FUT8: variants seen among roughly 807,000 people sequenced by gnomAD.
FUT8 encodes the protein fucosyltransferase 8, also known as alpha-(1,6)-fucosyltransferase.
A neutral mutation model predicts 71.3 loss-of-function variants in FUT8; 29 were observed. The ratio of observed to expected loss-of-function variants is 0.41; its 90% confidence interval spans 0.30 to 0.55. FUT8 has a LOEUF of 0.55. Among genes scored for constraint, FUT8 ranks in the 20% least tolerant of loss-of-function variants. The pLI, the probability that FUT8 is intolerant of heterozygous loss-of-function variation, is 0.34. For synonymous variants in FUT8, 254 were observed against 239.3 expected (o/e 1.06, Z -0.57); for missense variants, 544 against 702.1 (o/e 0.77, Z 2.55).
intron 1 of FUT8, among the ~76,000 whole-genome samples, chr14:65,448,954 A>G (rs2184602): frequency 0.12 from 18,819 of 152,166 alleles, 1,504 homozygotes; most frequent in East Asian, 0.39. Flanking sequence ...AGGATGACAG[A>G]AATCACTTAA....
At chr14:65,582,109 G>A (rs527446467) in intron 3 of FUT8, among the ~76,000 whole-genome samples, 25 of 152,220 alleles carry the variant, frequency 1.6e-4, no homozygotes, top group African/African-American at 4.6e-4. Context: ...GAGACATAGC[G>A]TGAAAGGAGC....
chr14:65,519,776 C>G (rs1049580977), intron 2 of FUT8, among the ~76,000 whole-genome samples: 16 of 151,944 alleles, frequency 1.1e-4, no homozygotes, highest in Admixed American at 2.6e-4. Flanking sequence ...ATTTATTATT[C>G]ATTTTTTAAT....
chr14:65,506,780 A>G (rs1438891440), intron 2 of FUT8, among the ~76,000 whole-genome samples: 1 of 152,226 alleles, frequency 6.6e-6, no homozygotes, highest in Non-Finnish European at 1.5e-5. Flanking sequence ...TGTGTTACAG[A>G]CAATCCAAAT....
intron 5 of FUT8, among the ~76,000 whole-genome samples, chr14:65,628,504 G>C (rs955074358): frequency 1.3e-5 from 2 of 152,206 alleles, no homozygotes; most frequent in Non-Finnish European, 2.9e-5. Context: ...GTTGGTAAAA[G>C]TGCTGGTGGT....
intron 3 of FUT8, among the ~76,000 whole-genome samples, chr14:65,580,664 C>G (rs948281204): frequency 2.4e-4 from 36 of 151,956 alleles, no homozygotes; most frequent in Non-Finnish European, 1.0e-4. Flanking sequence ...TAGGCTTCCT[C>G]CCCCATAATT....
At chr14:65,602,959 T>C (rs1000179758) in intron 3 of FUT8, among the ~76,000 whole-genome samples, 12 of 152,116 alleles carry the variant, frequency 7.9e-5, no homozygotes, top group African/African-American at 2.9e-4. Flanking sequence ...GTTGTGTTTA[T>C]TCTGCTGACT....
At chr14:65,651,223 T>TG (rs1891392710) in intron 6 of FUT8, among the ~76,000 whole-genome samples, 1 of 152,246 alleles carries the variant, frequency 6.6e-6, no homozygotes, top group Non-Finnish European at 1.5e-5. Context: ...TTTGAAATCC[T>TG]GGGCAGATTT....
intron 2 of FUT8, among the ~76,000 whole-genome samples, chr14:65,548,553 T>G (rs2139993013): frequency 6.6e-6 from 1 of 152,150 alleles, no homozygotes; most frequent in South Asian, 2.1e-4. Context: ...TGAGATTAAT[T>G]TTTTGTGGAA....
upstream of FUT8, among the ~76,000 whole-genome samples, chr14:65,406,981 G>A (rs2065091044): frequency 6.6e-6 from 1 of 152,178 alleles, no homozygotes; most frequent in Admixed American, 6.5e-5. Context: ...ATCCTACAAT[G>A]TGGTGTCCCC....
intron 1 of FUT8, among the ~76,000 whole-genome samples, chr14:65,441,975 G>A (rs749622404): frequency 6.6e-6 from 1 of 151,922 alleles, no homozygotes; most frequent in Non-Finnish European, 1.5e-5. Flanking sequence ...AGGCCCCGGT[G>A]TGTGATGTTC....
Position 65,493,480 on chromosome 14 carries a change from C to T in FUT8, c.-228+37762C>T, listed in dbSNP as rs929732657. 6.6e-5 allele frequency among the ~76,000 whole-genome samples: 10 copies of T among 151,630 alleles called. 1 individual carries two copies. Among genetic ancestry groups the T allele is most frequent in the Non-Finnish European group, 1.2e-4 (8 of 67,868 alleles). ...GAAGGGATAGGTTCAGGAAGCTTGA[C>T]AAAAAAGGAAATAATGGTAGTAATA... On this transcript the variant is annotated intron_variant, in intron 2 of 10. Coordinates refer to ENST00000673929, the MANE Select transcript of FUT8 (RefSeq NM_001371533.1).
chr14:65,403,385 T>C, the FUT8 span, among the ~76,000 whole-genome samples: 3 of 152,212 alleles, frequency 2.0e-5, no homozygotes, highest in Non-Finnish European at 2.9e-5. Context: ...CATGATTTTA[T>C]ATGGCCTTGT....
At chr14:65,535,694 G>T (rs12435302) in intron 2 of FUT8, among the ~76,000 whole-genome samples, 4 of 152,112 alleles carry the variant, frequency 2.6e-5, no homozygotes, top group Admixed American at 2.0e-4. Flanking sequence ...ATTGTTTTTT[G>T]TCTGACTGTG....
At chr14:65,675,826 C>T (rs567207890) in intron 7 of FUT8, among the ~76,000 whole-genome samples, 7 of 132,698 alleles carry the variant, frequency 5.3e-5, no homozygotes, top group South Asian at 2.4e-4. Context: ...CCCATTTCTA[C>T]TAAAAATACA....
At chr14:65,419,069 A>C (rs1204499741) in intron 1 of FUT8, among the ~76,000 whole-genome samples, 1 of 152,124 alleles carries the variant, frequency 6.6e-6, no homozygotes, top group African/African-American at 2.4e-5. Flanking sequence ...TCTTTACTAA[A>C]AATACAAAAT....
chr14:65,657,894 T>C (rs989605573), intron 6 of FUT8, among the ~76,000 whole-genome samples: 5 of 152,134 alleles, frequency 3.3e-5, no homozygotes, highest in African/African-American at 1.2e-4. Context: ...GGTATGCCTA[T>C]GTAAAAATAC....
At chr14:65,540,779 G>A (rs1417705092) in intron 2 of FUT8, among the ~76,000 whole-genome samples, 2 of 152,180 alleles carry the variant, frequency 1.3e-5, no homozygotes, top group Non-Finnish European at 2.9e-5. Context: ...CTGGAGAGTA[G>A]CATAAATAAC....
Position 65,629,435 on chromosome 14 carries a change from G to A in FUT8, c.483-57G>A. 6.6e-6 allele frequency: 7 copies of A among 1,061,334 alleles called. No homozygotes were observed. In the Admixed American group the frequency reaches 1.1e-4, roughly 16 times the overall value. The allele number at this position is 1,061,334 out of a possible 1,614,324, so 65.7% of individuals were successfully genotyped here. ...TCTGGCATTCTTCTTAAGACTTTGT[G>A]TAATCCAGTGAAGCAGTACAGACAA... On this transcript the variant is annotated intron_variant, in intron 5 of 10. Coordinates refer to ENST00000673929, the MANE Select transcript of FUT8 (RefSeq NM_001371533.1).
chr14:65,410,573 A>C (rs2065111386), upstream of FUT8: 1 of 134,360 alleles, frequency 7.4e-6, no homozygotes, highest in Admixed American at 7.8e-5. Context: ...TTCCTAGGAC[A>C]GGTTTTTTTT....
Sources: gnomAD v4.1 joint callset for allele counts (sites outside exome capture counted in the v4.1 genomes callset) on GRCh38, gnomAD v4.1.1 for gene constraint, MANE v1.5 for transcripts, NCBI Gene and HGNC (gene_info 2026-07-23, HGNC 2026-07-21) for gene names.